MSRA: variants seen among roughly 807,000 people sequenced by gnomAD.
The protein encoded by MSRA is mitochondrial peptide methionine sulfoxide reductase.
Under a neutral mutation model 31.3 loss-of-function variants are expected in MSRA, and 54 were observed. That is an observed-to-expected ratio of 1.73 (90% CI 1.39 to 2.17). The LOEUF (loss-of-function observed/expected upper bound fraction) is 2.17. Among genes scored for constraint, MSRA ranks in the 30% most tolerant of loss-of-function variants. MSRA has a pLI of 0.00. For missense variants in MSRA, 507 were observed against 300.9 expected (o/e 1.69, Z -5.07); for synonymous variants, 169 against 116.5 (o/e 1.45, Z -2.90).
chr8:10,207,761 C>A lies in MSRA; in HGVS notation c.143-72C>A, dbSNP rs1047611352. The A allele has an allele frequency of 9.5e-6, 13 of 1,364,916 alleles. No individual in the cohort carries two copies. The African/African-American group carries it at 1.6e-4, about 17-fold the overall frequency. 84.6% of individuals were successfully genotyped at this position (1,364,916 alleles called of 1,614,324 possible). On this transcript the variant is annotated intron_variant, in intron 1 of 5. Coordinates refer to ENST00000317173, the MANE Select transcript of MSRA (RefSeq NM_012331.5). ...CAAAGGAGAAATAGGCTCATTGACA[C>A]ATTTAATGACATGTGTTAGTATGTG...
intron 1 of MSRA, among the ~76,000 whole-genome samples, chr8:10,157,851 T>A (rs553213122): frequency 3.5e-4 from 53 of 152,236 alleles, no homozygotes; most frequent in African/African-American, 1.3e-3. Context: ...TATCTTTTAA[T>A]AACAGCTGTA....
intron 3 of MSRA, among the ~76,000 whole-genome samples, chr8:10,260,647 C>T (rs1798430644): frequency 1.3e-5 from 2 of 152,048 alleles, no homozygotes. Context: ...CAGAGGTAGA[C>T]ACAGGTGCCC....
rs1585089882 is a variant in MSRA, at chr8:10,073,466, C to T, written c.142+18808C>T. 5.9e-5 allele frequency among the ~76,000 whole-genome samples: 9 copies of T among 152,270 alleles called. No individual in the cohort carries two copies. In the South Asian group the frequency reaches 1.9e-3, roughly 32 times the overall value. ...GATAGTGACCATATGACCCTCAAAACCTAAAATATTTATTATCTGGAATTT... is the reference window on the plus strand; with the variant it reads ...GATAGTGACCATATGACCCTCAAAATCTAAAATATTTATTATCTGGAATTT... On this transcript the variant is annotated intron_variant, in intron 1 of 5. Coordinates refer to ENST00000317173, the MANE Select transcript of MSRA (RefSeq NM_012331.5).
At chr8:10,371,381 C>T (rs1385611277) in intron 5 of MSRA, among the ~76,000 whole-genome samples, 3 of 152,048 alleles carry the variant, frequency 2.0e-5, no homozygotes, top group African/African-American at 4.8e-5. Flanking sequence ...TGCCGGCCGG[C>T]GCCTCGTTCC....
intron 1 of MSRA, among the ~76,000 whole-genome samples, chr8:10,085,627 C>T (rs1293341176): frequency 1.3e-5 from 2 of 152,120 alleles, no homozygotes; most frequent in East Asian, 1.9e-4. Flanking sequence ...CAAAATTCAC[C>T]TCTTCTAAAG....
intron 3 of MSRA, among the ~76,000 whole-genome samples, chr8:10,272,955 A>C (rs1799125069): frequency 6.6e-6 from 1 of 152,200 alleles, no homozygotes; most frequent in Admixed American, 6.5e-5. Context: ...TTAATATTCT[A>C]AATTTAAATA....
rs1179455947 is a variant in MSRA, at chr8:10,221,554, G to T, written c.211+13653G>T. Among the ~76,000 whole-genome samples the T allele has an allele frequency of 3.3e-5, 5 of 152,090 alleles. No homozygotes were observed. In the East Asian group the frequency reaches 9.7e-4, roughly 29 times the overall value. ...TAGTTAATGGCAGAACTAGTTAATG[G>T]CCTGGCACTGAGATTATTTATTCAC... On this transcript the variant is annotated intron_variant, in intron 2 of 5. Transcript: ENST00000317173.
intron 1 of MSRA, among the ~76,000 whole-genome samples, chr8:10,062,997 A>C (rs757766189): frequency 6.6e-6 from 1 of 152,132 alleles, no homozygotes; most frequent in Non-Finnish European, 1.5e-5. Context: ...CACGCTTCCA[A>C]CCACCCTCGT....
At chr8:10,183,608 G>C (rs1030962423) in intron 1 of MSRA, among the ~76,000 whole-genome samples, 3 of 152,198 alleles carry the variant, frequency 2.0e-5, no homozygotes, top group African/African-American at 4.8e-5. Flanking sequence ...AGTAAGCAGA[G>C]AGTAGGAGAC....
chr8:10,211,830 G>C (rs905623095), intron 2 of MSRA, among the ~76,000 whole-genome samples: 2 of 152,214 alleles, frequency 1.3e-5, no homozygotes, highest in Non-Finnish European at 2.9e-5. Context: ...CACGTGGAGG[G>C]CCGGGTTCCA....
At chr8:10,079,070 C>A (rs1798145013) in intron 1 of MSRA, among the ~76,000 whole-genome samples, 1 of 152,142 alleles carries the variant, frequency 6.6e-6, no homozygotes, top group Non-Finnish European at 1.5e-5. Flanking sequence ...GGGACTGCTT[C>A]CCCATCCCGC....
At chr8:10,111,364 C>T (rs559298439) in intron 1 of MSRA, among the ~76,000 whole-genome samples, 4 of 152,272 alleles carry the variant, frequency 2.6e-5, no homozygotes, top group Non-Finnish European at 4.4e-5. Flanking sequence ...TACACCACTG[C>T]GTCTTCTCTC....
intron 5 of MSRA, among the ~76,000 whole-genome samples, chr8:10,375,545 C>T (rs1027691514): frequency 6.6e-6 from 1 of 152,192 alleles, no homozygotes; most frequent in African/African-American, 2.4e-5. Flanking sequence ...AACAGCTGAT[C>T]AATAGCTATC....
intron 1 of MSRA, among the ~76,000 whole-genome samples, chr8:10,145,556 C>A (rs904277819): frequency 1.3e-5 from 2 of 152,220 alleles, no homozygotes; most frequent in African/African-American, 4.8e-5. Context: ...TTTGTGAGCA[C>A]TCCATCCACG....
intron 1 of MSRA, among the ~76,000 whole-genome samples, chr8:10,165,297 C>T (rs1383255540): frequency 6.6e-6 from 1 of 152,136 alleles, no homozygotes; most frequent in Non-Finnish European, 1.5e-5. Context: ...CTCTGCTCTC[C>T]AACAATATAG....
In MSRA at chr8:10,083,785, G is replaced by A. The variant is rs1270793112; in HGVS notation, c.142+29127G>A. On this transcript the variant is annotated intron_variant, in intron 1 of 5. Coordinates refer to ENST00000317173, the MANE Select transcript of MSRA (RefSeq NM_012331.5). ...GTAATAACACAATTTTGATGTCTGTGGATTAATGGCGTCTGTATTCACGAT... is the reference window on the plus strand; with the variant it reads ...GTAATAACACAATTTTGATGTCTGTAGATTAATGGCGTCTGTATTCACGAT... Among the ~76,000 whole-genome samples the A allele has an allele frequency of 2.6e-5, 4 of 151,954 alleles. No individual in the cohort carries two copies. In the East Asian group the frequency reaches 5.8e-4, roughly 22 times the overall value.
intron 5 of MSRA, among the ~76,000 whole-genome samples, chr8:10,365,862 C>T (rs986013274): frequency 1.3e-5 from 2 of 152,320 alleles, no homozygotes; most frequent in Non-Finnish European, 1.5e-5. Flanking sequence ...ATGCTGTGAA[C>T]CCAGGACTCC....
chr8:10,397,599 G>T (rs780271150), intron 5 of MSRA, among the ~76,000 whole-genome samples: 1 of 152,178 alleles, frequency 6.6e-6, no homozygotes, highest in Non-Finnish European at 1.5e-5. Flanking sequence ...CATCCACGAC[G>T]GTAGCTAAGA....
chr8:10,348,959 G>A (rs541350831), intron 5 of MSRA, among the ~76,000 whole-genome samples: 3 of 152,186 alleles, frequency 2.0e-5, no homozygotes, highest in African/African-American at 7.2e-5. Context: ...TGGTATTTTG[G>A]TCCCTGGATT....
Sources: gnomAD v4.1 joint callset for allele counts (sites outside exome capture counted in the v4.1 genomes callset) on GRCh38, gnomAD v4.1.1 for gene constraint, MANE v1.5 for transcripts, NCBI Gene and HGNC (gene_info 2026-07-23, HGNC 2026-07-21) for gene names.